The following TTLL11 variants were observed in gnomAD, a reference collection of about 807,000 sequenced individuals.
The protein encoded by TTLL11 is tubulin polyglutamylase TTLL11.
Under a neutral mutation model 51.7 loss-of-function variants are expected in TTLL11, and 42 were observed. The observed-to-expected ratio is 0.81, with a 90% CI of 0.64 to 1.05. The LOEUF (loss-of-function observed/expected upper bound fraction) is 1.05. Among genes scored for constraint, TTLL11 ranks in the 50% least tolerant of loss-of-function variants. TTLL11 has a pLI of 0.00. For synonymous variants in TTLL11, 381 were observed against 383.5 expected, an observed-to-expected ratio of 0.99 and a Z score of 0.08; for missense variants, 799 against 940.4, an observed-to-expected ratio of 0.85 and a Z score of 1.97.
chr9:122,042,933 G>A lies in TTLL11; in HGVS notation c.463-3565C>T, dbSNP rs113491173. 3.5e-3 allele frequency among the ~76,000 whole-genome samples: 532 copies of A among 152,302 alleles called. 2 individuals are homozygous for A. The highest frequency in any genetic ancestry group is 6.0e-3 in the Non-Finnish European group (407 of 68,028). On this transcript the variant is annotated intron_variant, in intron 1 of 8. Transcript: ENST00000321582. ...AAAGATCAGTATTTGCCAGGGGCCC[G>A]AGGGGAGGAAGAGATGAATAGGTGA...
chr9:121,992,648 G>A (rs1843148269), intron 3 of TTLL11, among the ~76,000 whole-genome samples: 1 of 152,192 alleles, frequency 6.6e-6, no homozygotes, highest in Non-Finnish European at 1.5e-5. Context: ...TACAACTGAT[G>A]GTATCTCTAG....
rs1836752753 is a variant in TTLL11, at chr9:121,826,197, T to TATATATATAC, written c.1841-3319_1841-3318insGTATATATAT. ...ATAACCAGTAACCTATATATATATA[T>TATATATATAC]ATATATATATATATATATATGCACA... On this transcript the variant is annotated intron_variant, in intron 8 of 8. Coordinates refer to ENST00000321582, the MANE Select transcript of TTLL11 (RefSeq NM_001139442.2). Among the ~76,000 whole-genome samples the TATATATATAC allele has an allele frequency of 1.9e-5, 2 of 107,990 alleles. 1 individual carries two copies. The highest frequency in any genetic ancestry group is 3.6e-5 in the Non-Finnish European group (2 of 55,784). The allele number at this position is 107,990 out of a possible 152,430, so 70.8% of individuals were successfully genotyped here.
intron 6 of TTLL11, among the ~76,000 whole-genome samples, chr9:121,959,507 C>G (rs527335098): frequency 6.6e-6 from 1 of 152,270 alleles, no homozygotes; most frequent in East Asian, 1.9e-4. Context: ...AACCTGGGCC[C>G]CTTTCTTGGT....
At chr9:122,083,021 A>G (rs952456743) in intron 1 of TTLL11, among the ~76,000 whole-genome samples, 1 of 152,176 alleles carries the variant, frequency 6.6e-6, no homozygotes, top group Non-Finnish European at 1.5e-5. Flanking sequence ...GCGACAGAGC[A>G]AGACCCTCTC....
At chr9:121,866,120 G>A (rs528812319) in intron 7 of TTLL11, among the ~76,000 whole-genome samples, 1 of 152,220 alleles carries the variant, frequency 6.6e-6, no homozygotes, top group Admixed American at 6.5e-5. Flanking sequence ...CAGTGAATAT[G>A]TCTTTTTCAA....
At chr9:121,973,265 C>T (rs2131655905) in intron 6 of TTLL11, among the ~76,000 whole-genome samples, 1 of 152,308 alleles carries the variant, frequency 6.6e-6, no homozygotes, top group South Asian at 2.1e-4. Flanking sequence ...TATCATAGAA[C>T]TGTCATTAAA....
intron 4 of TTLL11, among the ~76,000 whole-genome samples, chr9:121,986,892 C>G (rs1842956208): frequency 6.6e-6 from 1 of 151,838 alleles, no homozygotes; most frequent in African/African-American, 2.4e-5. Flanking sequence ...TGTTCCTTGA[C>G]AGAAGAACTG....
intron 1 of TTLL11, among the ~76,000 whole-genome samples, chr9:122,063,136 T>C (rs980675525): frequency 4.6e-5 from 7 of 152,190 alleles, no homozygotes; most frequent in Non-Finnish European, 8.8e-5. Flanking sequence ...TTTTTTTACC[T>C]GAATGTCAAG....
chr9:121,817,760 G>T lies in TTLL11; in HGVS notation c.*4827C>A, dbSNP rs1284885294. The T allele has an allele frequency of 1.3e-5, 2 of 152,270 alleles. No homozygotes were observed. The highest frequency in any genetic ancestry group is 2.9e-5 in the Non-Finnish European group (2 of 68,100). 9.4% of individuals were successfully genotyped at this position (152,270 alleles called of 1,614,324 possible). Reference sequence around the variant, plus strand: ...GTGTGGGATCTGGAGCCAGCCGGGGGGCTCAGGTGGATCCTGGCTCTGCAC... The same window carrying T: ...GTGTGGGATCTGGAGCCAGCCGGGGTGCTCAGGTGGATCCTGGCTCTGCAC... On this transcript the variant is annotated 3_prime_UTR_variant, in exon 9 of 9. Coordinates refer to ENST00000321582, the MANE Select transcript of TTLL11 (RefSeq NM_001139442.2).
chr9:121,874,294 C>T (rs909311692), intron 6 of TTLL11, among the ~76,000 whole-genome samples: 8 of 152,200 alleles, frequency 5.3e-5, no homozygotes, highest in Admixed American at 3.3e-4. Flanking sequence ...CCTCTGCACC[C>T]GACCCACCAC....
intron 6 of TTLL11, among the ~76,000 whole-genome samples, chr9:121,916,025 A>T (rs2131511799): frequency 6.7e-6 from 1 of 150,098 alleles, no homozygotes; most frequent in East Asian, 1.9e-4. Context: ...ACACACACAC[A>T]CACACACACT....
chr9:121,888,155 GCTGA>G (rs1238079471), intron 6 of TTLL11, among the ~76,000 whole-genome samples: 1 of 152,172 alleles, frequency 6.6e-6, no homozygotes, highest in Non-Finnish European at 1.5e-5. Flanking sequence ...GCCCATCCTG[GCTGA>G]CTGAGAAGGT....
chr9:122,056,592 C>T (rs947864232), intron 1 of TTLL11, among the ~76,000 whole-genome samples: 5 of 152,144 alleles, frequency 3.3e-5, no homozygotes, highest in African/African-American at 1.2e-4. Flanking sequence ...GATGAGATTC[C>T]TTTAACTGTC....
chr9:121,838,488 G>A (rs1837245619), intron 8 of TTLL11, among the ~76,000 whole-genome samples: 1 of 152,188 alleles, frequency 6.6e-6, no homozygotes, highest in East Asian at 1.9e-4. Context: ...GGAGGCCGAG[G>A]TGGGCGGATC....
At chr9:122,076,187 T>C (rs181555081) in intron 1 of TTLL11, among the ~76,000 whole-genome samples, 116 of 152,340 alleles carry the variant, frequency 7.6e-4, no homozygotes, top group African/African-American at 2.5e-3. Context: ...CTGAGGTTTA[T>C]AATAGCATCC....
chr9:121,971,096 C>T (rs1588165223), intron 6 of TTLL11, among the ~76,000 whole-genome samples: 1 of 135,332 alleles, frequency 7.4e-6, no homozygotes, highest in African/African-American at 2.8e-5. Context: ...CCCGGCCAGC[C>T]GCCCCGTCCG....
At chr9:121,884,020 G>A (rs569651877) in intron 6 of TTLL11, among the ~76,000 whole-genome samples, 5 of 152,304 alleles carry the variant, frequency 3.3e-5, no homozygotes, top group South Asian at 2.1e-4. Context: ...TAGTGAGCAC[G>A]AAGTGGAATA....
rs1171227988 is a variant in TTLL11, at chr9:121,826,557, GTATATATATATA to G, written c.1841-3690_1841-3679del. Among the ~76,000 whole-genome samples the G allele has an allele frequency of 1.9e-4, 10 of 51,346 alleles. 1 individual carries two copies. Among genetic ancestry groups the G allele is most frequent in the African/African-American group, 6.3e-4 (9 of 14,176 alleles). The allele number at this position is 51,346 out of a possible 152,430, so 33.7% of individuals were successfully genotyped here. ...TGTGTGTATATATATATATGTGTGTGTATATATATATATATATATATATATGTATATGGTTTT... is the reference window on the plus strand; with the variant it reads ...TGTGTGTATATATATATATGTGTGTGTATATATATATATGTATATGGTTTT... On this transcript the variant is annotated intron_variant, in intron 8 of 8. Coordinates refer to ENST00000321582, the MANE Select transcript of TTLL11 (RefSeq NM_001139442.2).
intron 2 of TTLL11, among the ~76,000 whole-genome samples, chr9:122,033,315 G>C (rs1012795100): frequency 6.6e-6 from 1 of 152,014 alleles, no homozygotes; most frequent in African/African-American, 2.4e-5. Context: ...GTTTCACCAT[G>C]TTGGCCAGGC....
Sources: allele counts gnomAD v4.1 joint callset (sites outside exome capture counted in the v4.1 genomes callset), GRCh38; gene constraint gnomAD v4.1.1; transcripts MANE v1.5; gene names NCBI Gene and HGNC (gene_info 2026-07-23, HGNC 2026-07-21).